The following FRMD5 variants were observed in gnomAD, a reference collection of about 807,000 sequenced individuals.
FRMD5 encodes FERM domain-containing protein 5.
A neutral mutation model predicts 69.0 loss-of-function variants in FRMD5; 20 were observed. The observed-to-expected ratio is 0.29, with a 90% confidence interval of 0.20 to 0.42. The LOEUF (loss-of-function observed/expected upper bound fraction) is 0.42. Among genes scored for constraint, FRMD5 ranks in the 10% least tolerant of loss-of-function variants. The pLI is 1.00. For missense variants in FRMD5, 595 were observed against 708.6 expected, an observed-to-expected ratio of 0.84 and a Z score of 1.82; for synonymous variants, 271 against 260.1, an observed-to-expected ratio of 1.04 and a Z score of -0.40.
At chr15:44,076,005 T>A (rs1310530936) in intron 1 of FRMD5, among the ~76,000 whole-genome samples, 1 of 152,194 alleles carries the variant, frequency 6.6e-6, no homozygotes, top group Non-Finnish European at 1.5e-5. Context: ...CACTTTTTGA[T>A]GGGGTTGTTT....
At chr15:43,995,372 A>G (rs1182443224) in intron 1 of FRMD5, among the ~76,000 whole-genome samples, 2 of 152,180 alleles carry the variant, frequency 1.3e-5, no homozygotes, top group Admixed American at 1.3e-4. Context: ...TGCAGCTACA[A>G]AGGGCTGAAG....
At chr15:43,891,624 G>T (rs921053469) in intron 8 of FRMD5, among the ~76,000 whole-genome samples, 2 of 152,164 alleles carry the variant, frequency 1.3e-5, no homozygotes, top group African/African-American at 4.8e-5. Flanking sequence ...CAGAACAGCC[G>T]GCTCAACAGG....
intron 7 of FRMD5, among the ~76,000 whole-genome samples, chr15:43,893,515 C>T (rs540698572): frequency 2.2e-4 from 34 of 152,224 alleles, no homozygotes; most frequent in African/African-American, 6.7e-4. Context: ...GTGACAGGGG[C>T]GTCAGGTGAG....
chr15:44,168,539 A>G (rs527468766), intron 1 of FRMD5, among the ~76,000 whole-genome samples: 1 of 152,234 alleles, frequency 6.6e-6, no homozygotes, highest in Admixed American at 6.5e-5. Flanking sequence ...AACTGTAACT[A>G]TATTAGTAAT....
intron 1 of FRMD5, among the ~76,000 whole-genome samples, chr15:44,084,197 C>G (rs957949294): frequency 6.6e-6 from 1 of 151,940 alleles, no homozygotes. Flanking sequence ...TATGTTTTGA[C>G]TACCAAATTT....
At chr15:44,061,249 TATCATAGTTA>T in intron 1 of FRMD5, among the ~76,000 whole-genome samples, 1 of 152,354 alleles carries the variant, frequency 6.6e-6, no homozygotes, top group South Asian at 2.1e-4. Flanking sequence ...CTTTTCTCAA[TATCATAGTTA>T]CTTAACTCTG....
intron 1 of FRMD5, among the ~76,000 whole-genome samples, chr15:44,090,640 G>A (rs1595710638): frequency 6.6e-6 from 1 of 151,858 alleles, no homozygotes; most frequent in African/African-American, 2.4e-5. Context: ...GGGTTTTACT[G>A]TATTGGCCAG....
intron 1 of FRMD5, among the ~76,000 whole-genome samples, chr15:44,141,615 T>C (rs965393259): frequency 3.9e-5 from 6 of 152,292 alleles, no homozygotes; most frequent in African/African-American, 1.2e-4. Context: ...ATTATAACAT[T>C]GTGATTCCTT....
chr15:44,128,861 A>G (rs1485053545), intron 1 of FRMD5, among the ~76,000 whole-genome samples: 1 of 152,144 alleles, frequency 6.6e-6, no homozygotes, highest in Non-Finnish European at 1.5e-5. Context: ...AAAAAAAACA[A>G]CACAGAATGA....
chr15:43,978,042 T>C (rs888119904), intron 1 of FRMD5, among the ~76,000 whole-genome samples: 10 of 151,908 alleles, frequency 6.6e-5, no homozygotes, highest in Non-Finnish European at 8.8e-5. Context: ...AAAACCTCCC[T>C]ATAGAAACTT....
At chr15:43,912,638 G>A (rs1167783802) in intron 4 of FRMD5, among the ~76,000 whole-genome samples, 1 of 152,048 alleles carries the variant, frequency 6.6e-6, no homozygotes, top group African/African-American at 2.4e-5. Context: ...TCTGGGCAGT[G>A]ATTCTCAATG....
chr15:44,016,478 T>A (rs1890962455), intron 1 of FRMD5, among the ~76,000 whole-genome samples: 1 of 152,128 alleles, frequency 6.6e-6, no homozygotes, highest in East Asian at 1.9e-4. Flanking sequence ...ATCCCAGCAC[T>A]TTGGGAGGCC....
intron 1 of FRMD5, among the ~76,000 whole-genome samples, chr15:43,959,190 G>A (rs2090159762): frequency 6.6e-6 from 1 of 152,154 alleles, no homozygotes; most frequent in Admixed American, 6.6e-5. Context: ...GTTAGCCAAG[G>A]ACTCAACATC....
chr15:43,957,798 G>A (rs1359914629), intron 1 of FRMD5, among the ~76,000 whole-genome samples: 1 of 152,152 alleles, frequency 6.6e-6, no homozygotes, highest in Non-Finnish European at 1.5e-5. Flanking sequence ...CTACCAGTCT[G>A]CTTTTATTCT....
chr15:44,043,460 T>C (rs1450166319), intron 1 of FRMD5, among the ~76,000 whole-genome samples: 1 of 152,158 alleles, frequency 6.6e-6, no homozygotes, highest in Non-Finnish European at 1.5e-5. Context: ...AGAGCCCGCA[T>C]TGCCAAGAGA....
intron 1 of FRMD5, chr15:43,989,771 C>A: frequency 1.0e-6 from 1 of 1,001,768 alleles, no homozygotes; most frequent in African/African-American, 1.6e-5. Flanking sequence ...GACAGCACGG[C>A]CTGGATGGCC....
At position 44,063,547 on chromosome 15, in the gene FRMD5, T is replaced by C. The variant is rs895505898; in HGVS notation, c.102+131406A>G. On this transcript the variant is annotated intron_variant, in intron 1 of 13. Transcript: ENST00000417257. ...GAAGGCCAGGGTAAATGAATTTAGT[T>C]GTACTGGTCACCTGGTCACCAGGGC... is the stretch of plus-strand genomic sequence containing the variant. The C allele has an allele frequency of 1.5e-4, 78 of 505,776 alleles. No individual in the cohort carries two copies. In the Admixed American group the frequency reaches 1.6e-3, roughly 10 times the overall value. 31.3% of individuals were successfully genotyped at this position (505,776 alleles called of 1,614,324 possible).
chr15:43,892,766 T>C (rs186477559), intron 7 of FRMD5, among the ~76,000 whole-genome samples: 1 of 152,338 alleles, frequency 6.6e-6, no homozygotes, highest in East Asian at 1.9e-4. Context: ...TGTGATCTTT[T>C]AACCCTGTGA....
intron 1 of FRMD5, among the ~76,000 whole-genome samples, chr15:44,162,422 T>C (rs768880913): frequency 2.6e-5 from 4 of 152,130 alleles, no homozygotes; most frequent in Non-Finnish European, 5.9e-5. Flanking sequence ...TTTGTCTTTA[T>C]ATTAATATTT....
Sources: gnomAD v4.1 joint callset for allele counts (sites outside exome capture counted in the v4.1 genomes callset) on GRCh38, gnomAD v4.1.1 for gene constraint, MANE v1.5 for transcripts, NCBI Gene and HGNC (gene_info 2026-07-23, HGNC 2026-07-21) for gene names.